Variants in PEX7 observed in about 807,000 individuals in gnomAD.
PEX7 encodes peroxisomal biogenesis factor 7, also known as PTS2 receptor.
PEX7 carries 34 observed loss-of-function variants against 47.5 expected under a neutral mutation model. The observed-to-expected ratio is 0.72, with a 90% CI of 0.54 to 0.95. The LOEUF (loss-of-function observed/expected upper bound fraction) is 0.95, where lower values mean the gene tolerates loss of function less well. Ranked by LOEUF, PEX7 falls within the 40% of genes least tolerant of loss-of-function variation. The pLI is 0.00. For missense variants in PEX7, 394 were observed against 400.3 expected (o/e 0.98, Z 0.13); for synonymous variants, 141 against 148.8 (o/e 0.95, Z 0.38).
At chr6:136,850,825 A>T (rs1424140476) in intron 5 of PEX7, among the ~76,000 whole-genome samples, 1 of 151,442 alleles carries the variant, frequency 6.6e-6, no homozygotes, top group Non-Finnish European at 1.5e-5. Flanking sequence ...AAGCCATTGC[A>T]GTAAATCAGA....
chr6:136,888,970 A>G (rs938299649), intron 8 of PEX7, among the ~76,000 whole-genome samples: 5 of 152,176 alleles, frequency 3.3e-5, no homozygotes, highest in African/African-American at 9.6e-5. Flanking sequence ...ATTTGGGACC[A>G]TCGCGTTTGT....
intron 2 of PEX7, 125 bp from the exon 3 acceptor site, chr6:136,826,194 T>G: frequency 2.1e-5 from 21 of 1,017,496 alleles, no homozygotes; most frequent in Non-Finnish European, 2.6e-5. Flanking sequence ...GCAGATTACA[T>G]GAGATATACG....
intron 5 of PEX7, among the ~76,000 whole-genome samples, chr6:136,860,488 A>AG (rs1369894317): frequency 6.8e-6 from 1 of 147,716 alleles, no homozygotes; most frequent in African/African-American, 2.5e-5. Flanking sequence ...GGACACAGGA[A>AG]GGGGAACATC....
At chr6:136,852,018 T>G (rs1189620685) in intron 5 of PEX7, among the ~76,000 whole-genome samples, 1 of 99,402 alleles carries the variant, frequency 1.0e-5, no homozygotes, top group Non-Finnish European at 2.0e-5. Flanking sequence ...AGATCCCATT[T>G]GTCAATTTTG....
rs142649516 is a variant in PEX7 at position 136,823,688 on chromosome 6, C to A, written c.130+893C>A. Among the ~76,000 whole-genome samples, 923 of 152,276 alleles carry A rather than the reference C, an allele frequency of 6.1e-3. 3 individuals are homozygous for A. The highest frequency in any genetic ancestry group is 8.4e-3 in the Non-Finnish European group (574 of 68,020). On this transcript the variant is annotated intron_variant, in intron 1 of 9. Coordinates refer to ENST00000318471, the MANE Select transcript of PEX7 (RefSeq NM_000288.4). ...GGCGGATCACTTGAGTTCGGGAGTT[C>A]CAGACCAGCCTGACCAACATGGAGA...
At chr6:136,837,812 CCACA>C (rs34680868) in intron 3 of PEX7, among the ~76,000 whole-genome samples, 3,111 of 146,674 alleles carry the variant, frequency 0.021, 24 homozygotes, top group Non-Finnish European at 0.025. Context: ...AATTTAAACG[CCACA>C]CACACACACA....
At chr6:136,859,182 T>TA (rs1774914976) in intron 5 of PEX7, among the ~76,000 whole-genome samples, 1 of 152,300 alleles carries the variant, frequency 6.6e-6, no homozygotes, top group East Asian at 1.9e-4. Flanking sequence ...TCAAATTAGT[T>TA]ACCATTAGAT....
rs117072466 is a variant in PEX7 at position 136,824,589 on chromosome 6, A to G, written c.131-625A>G. Among the ~76,000 whole-genome samples the G allele has an allele frequency of 4.1e-3, 621 of 152,318 alleles. 17 individuals carry two copies. The South Asian group carries it at 0.058, about 14-fold the overall frequency. On this transcript the variant is annotated intron_variant, in intron 1 of 9. Coordinates refer to ENST00000318471, the MANE Select transcript of PEX7 (RefSeq NM_000288.4). ...AAATTCAGTCATGTTTAAATAGAAGAGATTTTCCCCCTTGGTCTCTATAAA... is the reference window on the plus strand; with the variant it reads ...AAATTCAGTCATGTTTAAATAGAAGGGATTTTCCCCCTTGGTCTCTATAAA...
chr6:136,835,085 A>G (rs527409549), intron 3 of PEX7, among the ~76,000 whole-genome samples: 1 of 151,690 alleles, frequency 6.6e-6, no homozygotes, highest in Admixed American at 6.6e-5. Flanking sequence ...GCTAACAGGC[A>G]TGACTAATTT....
chr6:136,865,443 C>T (rs1220056010), intron 5 of PEX7, among the ~76,000 whole-genome samples: 1 of 152,100 alleles, frequency 6.6e-6, no homozygotes, highest in Non-Finnish European at 1.5e-5. Flanking sequence ...GGATTACAGG[C>T]ACCCGCCACC....
intron 8 of PEX7, among the ~76,000 whole-genome samples, chr6:136,889,143 A>ATG (rs1175570765): frequency 2.6e-5 from 4 of 152,194 alleles, no homozygotes; most frequent in African/African-American, 9.6e-5. Flanking sequence ...ATTTTTTAAT[A>ATG]TGTCCCGAAA....
rs537787313 is a variant in PEX7, at chr6:136,882,378, A to G, written c.803+10125A>G. On this transcript the variant is annotated intron_variant, in intron 8 of 9. Coordinates refer to ENST00000318471, the MANE Select transcript of PEX7 (RefSeq NM_000288.4). ...TGTTTAGTAGAGACAGGGTTTTACC[A>G]TGTTGGCCAGGCTGGTCTCGAACTC... Among the ~76,000 whole-genome samples the G allele has an allele frequency of 1.0e-3, 159 of 151,800 alleles. 1 individual carries two copies. The highest frequency in any genetic ancestry group is 3.4e-3 in the African/African-American group (142 of 41,424).
chr6:136,846,554 T>C (rs942887712), intron 5 of PEX7, among the ~76,000 whole-genome samples: 2 of 152,082 alleles, frequency 1.3e-5, no homozygotes, highest in Admixed American at 6.5e-5. Flanking sequence ...CCAAGTGTTC[T>C]CATTGTTCAC....
rs752799274 is a variant in PEX7 at position 136,870,719 on chromosome 6, CT to C, written c.747+725del. 1.2e-3 allele frequency: 441 copies of C among 369,160 alleles called. 1 individual carries two copies. The highest frequency in any genetic ancestry group is 1.8e-3 in the East Asian group (18 of 9,746). The allele number at this position is 369,160 out of a possible 1,614,324, so 22.9% of individuals were successfully genotyped here. The stretch of plus-strand genomic sequence containing the variant: ...TTTAAAAAATTCTAAATTTTTTTTT[CT>C]TTTTTTTTGAGATGGAGTCTTGCCC... On this transcript the variant is annotated intron_variant, in intron 7 of 9. Transcript: ENST00000318471.
chr6:136,860,022 A>C (rs984340978), intron 5 of PEX7, among the ~76,000 whole-genome samples: 1 of 152,038 alleles, frequency 6.6e-6, no homozygotes, highest in South Asian at 2.1e-4. Flanking sequence ...CAGAAAAAAA[A>C]AAAAAGAAAA....
chr6:136,871,409 G>A (rs1775179469), intron 7 of PEX7, among the ~76,000 whole-genome samples: 1 of 152,040 alleles, frequency 6.6e-6, no homozygotes, highest in Non-Finnish European at 1.5e-5. Flanking sequence ...ACTTAAGGGT[G>A]TTTTTATTTA....
intron 5 of PEX7, among the ~76,000 whole-genome samples, chr6:136,860,008 G>T (rs895875187): frequency 7.0e-4 from 104 of 149,300 alleles, no homozygotes; most frequent in Non-Finnish European, 1.3e-3. Context: ...GTTAGACTCT[G>T]TCTCAGAAAA....
At chr6:136,902,433 TTTC>T (rs995557035) in intron 9 of PEX7, among the ~76,000 whole-genome samples, 8 of 152,216 alleles carry the variant, frequency 5.3e-5, no homozygotes, top group African/African-American at 1.9e-4. Context: ...TTACACCACC[TTTC>T]TTCTTAACAG....
At chr6:136,861,297 G>A (rs918377933) in intron 5 of PEX7, among the ~76,000 whole-genome samples, 9 of 151,976 alleles carry the variant, frequency 5.9e-5, no homozygotes, top group Non-Finnish European at 1.3e-4. Flanking sequence ...TGCCCAGGCT[G>A]GTCTGGAACT....
Sources: allele counts gnomAD v4.1 joint callset (sites outside exome capture counted in the v4.1 genomes callset), GRCh38; gene constraint gnomAD v4.1.1; transcripts MANE v1.5; gene names NCBI Gene and HGNC (gene_info 2026-07-23, HGNC 2026-07-21).